METTL16: variants seen among roughly 807,000 people sequenced by gnomAD.
METTL16 encodes RNA N(6)-adenosine-methyltransferase METTL16.
In METTL16, 19 loss-of-function variants were observed where a neutral mutation model predicts 57.9. The ratio of observed to expected loss-of-function variants is 0.33; its 90% CI spans 0.23 to 0.48. METTL16 has a LOEUF of 0.48. Among genes scored for constraint, METTL16 ranks in the 20% least tolerant of loss-of-function variants. The probability of loss-of-function intolerance (pLI) is 0.99; values close to 1 mark genes in which losing one functional copy is unlikely to be tolerated. For missense variants in METTL16, 434 were observed against 691.5 expected, an observed-to-expected ratio of 0.63 and a Z score of 4.18; for synonymous variants, 246 against 255.6, an observed-to-expected ratio of 0.96 and a Z score of 0.36.
At chr17:2,456,288 C>T (rs1026910845) in intron 6 of METTL16, among the ~76,000 whole-genome samples, 3 of 149,020 alleles carry the variant, frequency 2.0e-5, no homozygotes, top group Non-Finnish European at 2.9e-5. Flanking sequence ...TGACTGACAA[C>T]CCTACTTTGG....
chr17:2,468,019 C>A, intron 4 of METTL16, 143 bp from the exon 5 acceptor site: 1 of 625,106 alleles, frequency 1.6e-6, no homozygotes, highest in Non-Finnish European at 2.9e-6. Flanking sequence ...TTTACTGTAC[C>A]TTTTCTATGT....
chr17:2,437,684 T>C (rs1196174032), intron 8 of METTL16, among the ~76,000 whole-genome samples: 1 of 152,196 alleles, frequency 6.6e-6, no homozygotes, highest in African/African-American at 2.4e-5. Flanking sequence ...CCCGAGTAGC[T>C]GGGACTACAG....
At chr17:2,426,610 T>G (rs894818346) in intron 8 of METTL16, among the ~76,000 whole-genome samples, 2 of 147,440 alleles carry the variant, frequency 1.4e-5, no homozygotes, top group African/African-American at 5.1e-5. Flanking sequence ...GTGTCTATAA[T>G]CCCAGCTACT....
chr17:2,453,128 G>A (rs1445364670), intron 6 of METTL16, among the ~76,000 whole-genome samples: 2 of 152,168 alleles, frequency 1.3e-5, no homozygotes, highest in African/African-American at 4.8e-5. Context: ...CCAAAGTGCT[G>A]GGATTACAGG....
intron 1 of METTL16, among the ~76,000 whole-genome samples, chr17:2,507,666 C>A (rs915381004): frequency 2.0e-5 from 3 of 152,066 alleles, no homozygotes; most frequent in Non-Finnish European, 2.9e-5. Context: ...ATGACAATGG[C>A]GGTTTTGTGG....
chr17:2,465,320 G>T (rs538993055), intron 5 of METTL16, among the ~76,000 whole-genome samples: 45 of 151,846 alleles, frequency 3.0e-4, no homozygotes, highest in African/African-American at 1.1e-3. Flanking sequence ...GAGGCGGGAG[G>T]ATCACGAGGT....
chr17:2,467,537 T>G (rs2067208362), intron 5 of METTL16, among the ~76,000 whole-genome samples: 1 of 152,078 alleles, frequency 6.6e-6, no homozygotes, highest in Non-Finnish European at 1.5e-5. Context: ...GCGATTCTCC[T>G]GCCTCAACCT....
intron 8 of METTL16, among the ~76,000 whole-genome samples, chr17:2,426,319 G>T (rs914133828): frequency 2.6e-5 from 4 of 152,122 alleles, no homozygotes; most frequent in African/African-American, 9.7e-5. Flanking sequence ...AGCCTCCCAA[G>T]TAGCTGCAAC....
chr17:2,489,111 CTTT>C (rs11404983), intron 2 of METTL16, among the ~76,000 whole-genome samples: 1 of 146,324 alleles, frequency 6.8e-6, no homozygotes, highest in African/African-American at 2.5e-5. Flanking sequence ...ACTTTTCATT[CTTT>C]TTTTTTTATT....
chr17:2,488,848 T>C (rs2067363031), intron 2 of METTL16, among the ~76,000 whole-genome samples: 1 of 152,214 alleles, frequency 6.6e-6, no homozygotes, highest in Admixed American at 6.5e-5. Context: ...AAAAATTAAG[T>C]GGCCTTAAAT....
chr17:2,466,811 T>TC (rs1223029392), intron 5 of METTL16, among the ~76,000 whole-genome samples: 2 of 152,150 alleles, frequency 1.3e-5, no homozygotes, highest in African/African-American at 2.4e-5. Flanking sequence ...TTTCTTTTTT[T>TC]CCCAAAATAT....
chr17:2,497,836 C>T (rs2067457695), intron 2 of METTL16, among the ~76,000 whole-genome samples: 1 of 151,450 alleles, frequency 6.6e-6, no homozygotes, highest in Non-Finnish European at 1.5e-5. Flanking sequence ...AAGCAGTCCT[C>T]CTGCCTCAGC....
Position 2,467,861 on chromosome 17 carries a change from T to C in METTL16, c.485A>G (p.Gln162Arg). The C allele has an allele frequency of 6.2e-7, 1 of 1,613,502 alleles. No individual in the cohort carries two copies. Among genetic ancestry groups the C allele is most frequent in the South Asian group, 1.1e-5 (1 of 91,064 alleles). ...AAGAGCATCCATCAGGAGTGTCTTC[T>C]GTGGCACTTTCACCACTAGGAGAAA... is the stretch of plus-strand genomic sequence containing the variant. The part of the protein sequence containing the change: ...SDLIKVVKVP[Q>R]KTLLMDALKE... Residue 162 changes from glutamine to arginine, a missense_variant, in exon 5 of 10, where the codon CAG (glutamine) becomes CGG (arginine). Physicochemically the swap from Gln to Arg is conservative, Grantham distance 43 (BLOSUM62 1). Coordinates refer to ENST00000263092, the MANE Select transcript of METTL16 (RefSeq NM_024086.4).
chr17:2,481,038 A>G (rs1390117708), intron 2 of METTL16, among the ~76,000 whole-genome samples: 1 of 152,036 alleles, frequency 6.6e-6, no homozygotes, highest in African/African-American at 2.4e-5. Flanking sequence ...CTCCATCTCT[A>G]TCAAAAATTA....
chr17:2,451,340 C>T (rs932971383), intron 6 of METTL16, among the ~76,000 whole-genome samples: 3 of 152,126 alleles, frequency 2.0e-5, no homozygotes, highest in East Asian at 3.9e-4. Context: ...AAAGTATCAT[C>T]GGGCACAGCG....
chr17:2,428,601 AT>A lies in METTL16; in HGVS notation c.889-7698del, dbSNP rs199533054. Among the ~76,000 whole-genome samples the A allele has an allele frequency of 5.1e-3, 107 of 21,074 alleles. 14 individuals are homozygous for A. The highest frequency in any genetic ancestry group is 0.022 in the African/African-American group (101 of 4,592). The allele number at this position is 21,074 out of a possible 152,430, so 13.8% of individuals were successfully genotyped here. ...TATATATATATATATATATATATATATAAATTGTAATACAGCGGGGCACAGT... is the reference window on the plus strand; with the variant it reads ...TATATATATATATATATATATATATAAAATTGTAATACAGCGGGGCACAGT... On this transcript the variant is annotated intron_variant, in intron 8 of 9. Transcript: ENST00000263092.
At chr17:2,477,947 T>G in intron 2 of METTL16, 62 bp from the exon 3 acceptor site, 13 of 1,438,822 alleles carry the variant, frequency 9.0e-6, no homozygotes, top group African/African-American at 1.4e-5. Context: ...GTACAAGCTC[T>G]ACGGCAAACA....
chr17:2,481,581 A>G (rs1324217508), intron 2 of METTL16, among the ~76,000 whole-genome samples: 1 of 152,230 alleles, frequency 6.6e-6, no homozygotes, highest in Non-Finnish European at 1.5e-5. Flanking sequence ...ATTTTATAGT[A>G]TATGAACTAT....
At chr17:2,441,352 A>T in intron 7 of METTL16, 138 bp downstream of exon 7, 4 of 546,132 alleles carry the variant, frequency 7.3e-6, no homozygotes, top group Non-Finnish European at 1.2e-5. Flanking sequence ...GCACAACGAC[A>T]TGAATTGTTC....
Sources: allele counts gnomAD v4.1 joint callset (sites outside exome capture counted in the v4.1 genomes callset), GRCh38; gene constraint gnomAD v4.1.1; transcripts MANE v1.5; gene names NCBI Gene and HGNC (gene_info 2026-07-23, HGNC 2026-07-21).